The following PCDH11X variants were observed in gnomAD, a reference collection of about 807,000 sequenced individuals.
PCDH11X encodes the protein protocadherin 11 X-linked.
In PCDH11X, 18 loss-of-function variants were observed where a neutral mutation model predicts 53.3. The observed-to-expected ratio is 0.34, with a 90% CI of 0.23 to 0.50. The LOEUF (loss-of-function observed/expected upper bound fraction) is 0.50. PCDH11X is among the 20% of genes least tolerant of loss of function. PCDH11X has a pLI of 0.98. For missense variants in PCDH11X, 570 were observed against 1,032.4 expected (o/e 0.55, Z 6.14); for synonymous variants, 279 against 393.3 (o/e 0.71, Z 3.44).
chrX:92,185,023 C>T (rs1401298816), intron 6 of PCDH11X, among the ~76,000 whole-genome samples: 6 of 111,634 alleles, frequency 5.4e-5, no homozygotes, highest in African/African-American at 1.9e-4. Flanking sequence ...ATCACCACCT[C>T]AACATTCTTA....
rs758556096 is a variant in PCDH11X, at chrX:92,034,449, T to G, written c.3033+155176T>G. ...CGTTGGGTGAATATTTATTTACTATTGTTATATCCTCTTTCTGAATTGACT... is the reference window on the plus strand; with the variant it reads ...CGTTGGGTGAATATTTATTTACTATGGTTATATCCTCTTTCTGAATTGACT... On this transcript the variant is annotated intron_variant, in intron 6 of 10. Coordinates refer to ENST00000682573, the MANE Select transcript of PCDH11X (RefSeq NM_032968.5). Among the ~76,000 whole-genome samples the G allele has an allele frequency of 8.3e-5, 9 of 109,086 alleles. No homozygotes were observed. The South Asian group carries it at 3.7e-3, about 45-fold the overall frequency. 94.7% of individuals were successfully genotyped at this position (109,086 alleles called of 115,157 possible).
At chrX:92,100,164 A>T (rs2064212297) in intron 6 of PCDH11X, among the ~76,000 whole-genome samples, 1 of 111,416 alleles carries the variant, frequency 9.0e-6, no homozygotes, top group African/African-American at 3.3e-5. Context: ...TTTAAAAATT[A>T]AAACCATGTA....
chrX:92,158,554 GA>G (rs1236832567), intron 6 of PCDH11X, among the ~76,000 whole-genome samples: 1 of 111,385 alleles, frequency 9.0e-6, no homozygotes, highest in Non-Finnish European at 1.9e-5. Context: ...ATAGATAGTT[GA>G]CTCCTTACTT....
At chrX:92,179,086 C>T (rs923980551) in intron 6 of PCDH11X, among the ~76,000 whole-genome samples, 1 of 111,661 alleles carries the variant, frequency 9.0e-6, no homozygotes, top group Non-Finnish European at 1.9e-5. Flanking sequence ...TCATGTTACC[C>T]CATATGCTCA....
Position 92,578,538 on chromosome X carries a change from A to G in PCDH11X, c.3368-39726A>G, listed in dbSNP as rs1271561499. 2.8e-5 allele frequency among the ~76,000 whole-genome samples: 3 copies of G among 106,647 alleles called. No homozygotes were observed. The Admixed American group carries it at 3.0e-4, about 11-fold the overall frequency. 92.6% of individuals were successfully genotyped at this position (106,647 alleles called of 115,157 possible). On this transcript the variant is annotated intron_variant, in intron 10 of 10. Coordinates refer to ENST00000682573, the MANE Select transcript of PCDH11X (RefSeq NM_032968.5). ...TCTTTTTTGATTACTGTTTGTTTAA[A>G]TAATCTTTTTTTCAGAAACTAGGAT...
intron 10 of PCDH11X, among the ~76,000 whole-genome samples, chrX:92,478,335 CT>C (rs764861892): frequency 9.0e-6 from 1 of 111,143 alleles, no homozygotes; most frequent in African/African-American, 3.3e-5. Flanking sequence ...ATTCATTCAT[CT>C]TTTGAATGTT....
chrX:92,221,292 C>T (rs867628589), intron 7 of PCDH11X, among the ~76,000 whole-genome samples: 2,580 of 98,873 alleles, frequency 0.026, 94 homozygotes, highest in African/African-American at 0.075. Context: ...CACACACACA[C>T]ACACACACAC....
At chrX:92,422,950 G>T (rs6619018) in intron 9 of PCDH11X, among the ~76,000 whole-genome samples, 2 of 106,098 alleles carry the variant, frequency 1.9e-5, no homozygotes, top group African/African-American at 6.7e-5. Flanking sequence ...CCAGGTTCAC[G>T]CCATTCTCCT....
intron 10 of PCDH11X, among the ~76,000 whole-genome samples, chrX:92,477,666 T>A (rs2073416529): frequency 1.2e-5 from 1 of 86,257 alleles, no homozygotes; most frequent in East Asian, 3.8e-4. Flanking sequence ...TCAGAGGGAG[T>A]CTTGCCCCCT....
intron 8 of PCDH11X, among the ~76,000 whole-genome samples, chrX:92,299,168 C>G (rs957632228): frequency 1.8e-4 from 20 of 111,478 alleles, no homozygotes; most frequent in African/African-American, 6.2e-4. Flanking sequence ...TAATCCTAAA[C>G]AGGTCCTGTT....
chrX:92,598,599 G>T (rs1261127139), intron 10 of PCDH11X, among the ~76,000 whole-genome samples: 1 of 95,157 alleles, frequency 1.1e-5, no homozygotes, highest in Non-Finnish European at 2.0e-5. Context: ...TGCACTATTT[G>T]TGGGAATGTA....
chrX:92,358,562 A>C (rs1391533653), intron 8 of PCDH11X, among the ~76,000 whole-genome samples: 12 of 91,727 alleles, frequency 1.3e-4, no homozygotes, highest in Non-Finnish European at 2.1e-4. Context: ...GTGCTAGCCT[A>C]GAAACTTGAT....
At chrX:91,873,344 T>A (rs1252747403) in intron 5 of PCDH11X, among the ~76,000 whole-genome samples, 1 of 109,060 alleles carries the variant, frequency 9.2e-6, no homozygotes, top group Non-Finnish European at 1.9e-5. Flanking sequence ...GGAACTGATG[T>A]TTTAAATTAA....
chrX:92,105,551 TA>T (rs2064362819), intron 6 of PCDH11X, among the ~76,000 whole-genome samples: 1 of 108,426 alleles, frequency 9.2e-6, no homozygotes, highest in East Asian at 3.0e-4. Flanking sequence ...CGAAGGGAGA[TA>T]GGGGTGGGGC....
chrX:91,800,546 A>AT (rs1023186637), intron 1 of PCDH11X, among the ~76,000 whole-genome samples: 1 of 108,288 alleles, frequency 9.2e-6, no homozygotes, highest in Non-Finnish European at 1.9e-5. Context: ...AACTATGGAT[A>AT]TTTTTTCTTA....
At chrX:92,402,801 C>A (rs2071413948) in intron 9 of PCDH11X, among the ~76,000 whole-genome samples, 1 of 111,376 alleles carries the variant, frequency 9.0e-6, no homozygotes, top group Non-Finnish European at 1.9e-5. Context: ...AGAGCTTCTG[C>A]ACAGCAAAAT....
At chrX:91,934,671 C>T (rs1449665955) in intron 6 of PCDH11X, among the ~76,000 whole-genome samples, 1 of 102,744 alleles carries the variant, frequency 9.7e-6, no homozygotes, top group African/African-American at 3.5e-5. Context: ...TTTTAAAATT[C>T]TACTTTGGAG....
intron 8 of PCDH11X, among the ~76,000 whole-genome samples, chrX:92,362,111 A>G (rs1031159681): frequency 4.4e-4 from 48 of 109,064 alleles, no homozygotes; most frequent in Admixed American, 3.9e-4. Context: ...ACAAGGGAGT[A>G]CACTTGAATC....
At chrX:92,375,939 G>C (rs2070745052) in intron 8 of PCDH11X, among the ~76,000 whole-genome samples, 2 of 111,386 alleles carry the variant, frequency 1.8e-5, no homozygotes, top group South Asian at 7.4e-4. Context: ...GTTTGTTAAA[G>C]GCAATTTTTT....
Sources: allele counts gnomAD v4.1 joint callset (sites outside exome capture counted in the v4.1 genomes callset), GRCh38; gene constraint gnomAD v4.1.1; transcripts MANE v1.5; gene names NCBI Gene and HGNC (gene_info 2026-07-23, HGNC 2026-07-21).